Variants in ATXN1 observed in about 807,000 individuals in gnomAD.
The protein encoded by ATXN1 is ataxin 1, also known as ataxin-1.
ATXN1 carries 8 observed loss-of-function variants against 56.4 expected under a neutral mutation model. The observed-to-expected ratio is 0.14, with a 90% CI of 0.08 to 0.26. ATXN1 has a LOEUF of 0.26. Ranked by LOEUF, ATXN1 falls within the 10% of genes least tolerant of loss-of-function variation. The pLI is 1.00. For missense variants in ATXN1, 987 were observed against 1,106.5 expected (o/e 0.89, Z 1.53); for synonymous variants, 514 against 494.6 (o/e 1.04, Z -0.52).
chr6:16,428,478 T>C (rs552692304), intron 6 of ATXN1, among the ~76,000 whole-genome samples: 2 of 149,054 alleles, frequency 1.3e-5, no homozygotes, highest in Admixed American at 1.3e-4. Context: ...GTTTTTGCCA[T>C]TGAAAGTAAT....
intron 6 of ATXN1, among the ~76,000 whole-genome samples, chr6:16,446,634 T>C (rs568409701): frequency 6.6e-6 from 1 of 152,348 alleles, no homozygotes; most frequent in East Asian, 1.9e-4. Context: ...TTATTTCTTT[T>C]TCAAAGGGTT....
intron 2 of ATXN1, among the ~76,000 whole-genome samples, chr6:16,697,319 C>A (rs559552432): frequency 6.6e-6 from 1 of 152,282 alleles, no homozygotes; most frequent in South Asian, 2.1e-4. Flanking sequence ...ACTTCTTCAA[C>A]TATCTGTTTG....
chr6:16,333,584 C>G (rs973661827), intron 6 of ATXN1, among the ~76,000 whole-genome samples: 4 of 152,192 alleles, frequency 2.6e-5, no homozygotes, highest in African/African-American at 4.8e-5. Context: ...TCCTGTGCTT[C>G]TCAGTTTGAA....
chr6:16,627,487 G>C (rs1336820864), intron 3 of ATXN1, among the ~76,000 whole-genome samples: 2 of 152,170 alleles, frequency 1.3e-5, no homozygotes, highest in Non-Finnish European at 2.9e-5. Flanking sequence ...CCAGCACTTT[G>C]GGAGGCCGAG....
intron 2 of ATXN1, among the ~76,000 whole-genome samples, chr6:16,694,096 C>T (rs1332991865): frequency 6.6e-6 from 1 of 152,044 alleles, no homozygotes. Context: ...AGAATGAATT[C>T]AATTGTTTGA....
At chr6:16,683,006 T>C (rs1581361817) in intron 2 of ATXN1, among the ~76,000 whole-genome samples, 2 of 152,222 alleles carry the variant, frequency 1.3e-5, no homozygotes, top group East Asian at 3.8e-4. Context: ...TGGCTCACAG[T>C]TGCTCTGGCA....
At chr6:16,390,840 C>G (rs549067696) in intron 6 of ATXN1, among the ~76,000 whole-genome samples, 1 of 152,126 alleles carries the variant, frequency 6.6e-6, no homozygotes, top group South Asian at 2.1e-4. Flanking sequence ...CAGGTCCTGT[C>G]ATCCACCTCC....
At chr6:16,564,839 C>T (rs1762187773) in intron 4 of ATXN1, among the ~76,000 whole-genome samples, 2 of 149,314 alleles carry the variant, frequency 1.3e-5, no homozygotes, top group African/African-American at 4.9e-5. Context: ...ATTCATTGCA[C>T]TTTTTTTTTT....
chr6:16,494,645 G>A (rs1002761896), intron 5 of ATXN1, among the ~76,000 whole-genome samples: 7 of 152,136 alleles, frequency 4.6e-5, no homozygotes, highest in Admixed American at 3.9e-4. Flanking sequence ...AGTTTGCTAT[G>A]AAATATAATT....
At chr6:16,415,505 C>G (rs1435500360) in intron 6 of ATXN1, among the ~76,000 whole-genome samples, 1 of 152,220 alleles carries the variant, frequency 6.6e-6, no homozygotes, top group Non-Finnish European at 1.5e-5. Flanking sequence ...GCTGGGATTA[C>G]AGGCGTGAGC....
intron 6 of ATXN1, among the ~76,000 whole-genome samples, chr6:16,401,566 G>A (rs421172): frequency 0.072 from 10,926 of 152,202 alleles, 921 homozygotes; most frequent in East Asian, 0.43. Flanking sequence ...CAGATGAAAT[G>A]GTCTAAGGTT....
rs1031414685 is a variant in ATXN1, at chr6:16,328,724, C to T, written c.-160-254G>A. Reference sequence around the variant, plus strand: ...AGGAGATTAAGACCATCCTGGCTAACATGGTGAAACCCCGTCTCTACCAAA... The same window carrying T: ...AGGAGATTAAGACCATCCTGGCTAATATGGTGAAACCCCGTCTCTACCAAA... On this transcript the variant is annotated intron_variant, in intron 6 of 7. Transcript: ENST00000436367. The surrounding 1 kb of genome is among the most constrained non-coding windows in gnomAD (Gnocchi z 6.2). Among the ~76,000 whole-genome samples the T allele has an allele frequency of 3.3e-5, 5 of 152,116 alleles. No individual in the cohort carries two copies. The highest frequency in any genetic ancestry group is 1.2e-4 in the African/African-American group (5 of 41,414).
At chr6:16,375,154 C>T (rs78460474) in intron 6 of ATXN1, among the ~76,000 whole-genome samples, 2,477 of 152,286 alleles carry the variant, frequency 0.016, 79 homozygotes, top group African/African-American at 0.056. Context: ...CGTGTTCAGA[C>T]CCTATCGCCG....
intron 6 of ATXN1, among the ~76,000 whole-genome samples, chr6:16,415,450 G>A (rs763307168): frequency 6.6e-6 from 1 of 152,174 alleles, no homozygotes; most frequent in Non-Finnish European, 1.5e-5. Flanking sequence ...GGATGGTCTC[G>A]AACTCCTGAC....
intron 6 of ATXN1, among the ~76,000 whole-genome samples, chr6:16,398,963 T>C (rs1192324643): frequency 6.6e-6 from 1 of 152,222 alleles, no homozygotes; most frequent in Non-Finnish European, 1.5e-5. Context: ...CCCTCCAACG[T>C]GGACTCACCA....
chr6:16,574,740 A>G (rs1316506852), intron 4 of ATXN1, among the ~76,000 whole-genome samples: 1 of 152,122 alleles, frequency 6.6e-6, no homozygotes, highest in East Asian at 1.9e-4. Context: ...CCACGATCAA[A>G]ACTAGAAAGT....
chr6:16,445,455 TG>T (rs1759613284), intron 6 of ATXN1, among the ~76,000 whole-genome samples: 1 of 151,988 alleles, frequency 6.6e-6, no homozygotes, highest in Non-Finnish European at 1.5e-5. Context: ...AATGGGGTGG[TG>T]GGGCAAAAGC....
At chr6:16,438,259 GC>G (rs1759434336) in intron 6 of ATXN1, among the ~76,000 whole-genome samples, 1 of 152,198 alleles carries the variant, frequency 6.6e-6, no homozygotes, top group South Asian at 2.1e-4. Flanking sequence ...ATGGTCCATG[GC>G]CCAGGGGTTG....
intron 5 of ATXN1, among the ~76,000 whole-genome samples, chr6:16,489,751 A>T (rs1760622602): frequency 6.6e-6 from 1 of 152,110 alleles, no homozygotes; most frequent in African/African-American, 2.4e-5. Context: ...TCAGGAGTTC[A>T]AGGCTGCAAT....
Sources: gnomAD v4.1 joint callset for allele counts (sites outside exome capture counted in the v4.1 genomes callset) on GRCh38, gnomAD v4.1.1 for gene constraint, Gnocchi (gnomAD v3.1) non-coding constraint, MANE v1.5 for transcripts, NCBI Gene and HGNC (gene_info 2026-07-23, HGNC 2026-07-21) for gene names.